The following PRAMEF9 variants were observed in gnomAD, a reference collection of about 807,000 sequenced individuals.
PRAMEF9 encodes the protein PRAME family member 9/15.
A neutral mutation model predicts 10.9 loss-of-function variants in PRAMEF9; 1 was observed. That is an observed-to-expected ratio of 0.09 (90% CI 0.03 to 0.44). PRAMEF9 has a LOEUF of 0.44. Ranked by LOEUF, PRAMEF9 falls within the 20% of genes least tolerant of loss-of-function variation. The pLI is 0.97. For missense variants in PRAMEF9, 126 were observed against 379.8 expected, an observed-to-expected ratio of 0.33 and a Z score of 5.55; for synonymous variants, 40 against 148.3, an observed-to-expected ratio of 0.27 and a Z score of 5.31.
Position 13,176,554 on chromosome 1 carries a change from A to G in PRAMEF9, c.607A>G (p.Met203Val). ...CCGCAATATCAGAAGCATCCTGAAAATGGTGAACCTAGACTGTATCCAGGA... is the reference window on the plus strand; with the variant it reads ...CCGCAATATCAGAAGCATCCTGAAAGTGGTGAACCTAGACTGTATCCAGGA... ...PFRNIRSILK[M>V]VNLDCIQEVE... is the part of the protein sequence containing the mutation. Residue 203 changes from methionine (M) to valine (V), a missense_variant, in exon 3 of 4, where the codon ATG becomes GTG. By Grantham distance (21) the Met-to-Val change is conservative (BLOSUM62 1). Coordinates refer to ENST00000415919, the MANE Select transcript of PRAMEF9 (RefSeq NM_001010890.3). 4.8e-6 allele frequency: 2 copies of G among 417,820 alleles called. No individual in the cohort carries two copies. The highest frequency in any genetic ancestry group is 8.2e-6 in the Non-Finnish European group (2 of 243,562). 25.9% of individuals were successfully genotyped at this position (417,820 alleles called of 1,614,324 possible).
In PRAMEF9 at chr1:13,172,270, T is replaced by A. The variant is rs1234779454; in HGVS notation, c.-279T>A. The A allele has an allele frequency of 6.9e-6, 1 of 144,806 alleles. No individual in the cohort carries two copies. The highest frequency in any genetic ancestry group is 1.6e-5 in the Non-Finnish European group (1 of 64,038). 9.0% of individuals were successfully genotyped at this position (144,806 alleles called of 1,614,324 possible). A position where few individuals can be genotyped will look rare whatever the true frequency, so the allele number is the denominator to read the frequency against. On this transcript the variant is annotated 5_prime_UTR_variant, in exon 1 of 4. It removes the in-frame stop codon of an upstream open reading frame in the 5' UTR. Transcript: ENST00000415919. Reference sequence around the variant, plus strand: ...TAGATATGTGATATGAATGGACATCTGATTCAATCCATTAATCTGGGGAGA... The same window carrying A: ...TAGATATGTGATATGAATGGACATCAGATTCAATCCATTAATCTGGGGAGA...
intron 1 of PRAMEF9, chr1:13,174,762 GGAGAGAGGGAAAGAAGGAAAGAAGAAAGA>G (rs1638355213): frequency 3.6e-5 from 1 of 27,762 alleles, no homozygotes; most frequent in Non-Finnish European, 9.9e-5. Context: ...AAGAAGGGAG[GGAGAGAGGGAAAGAAGGAAAGAAGAAAGA>G]GAGAGAAAGA....
intron 1 of PRAMEF9, 47 bp from the exon 2 acceptor site, chr1:13,175,218 G>C (rs1337933888): frequency 2.2e-6 from 3 of 1,379,584 alleles, no homozygotes; most frequent in African/African-American, 1.4e-5. Context: ...GATTGCATGG[G>C]CTTGGCCTGA....
In PRAMEF9 at chr1:13,172,300, A is replaced by T. The variant is rs1638332442; in HGVS notation, c.-249A>T. On this transcript the variant is annotated 5_prime_UTR_variant, in exon 1 of 4. Transcript: ENST00000415919. The stretch of plus-strand genomic sequence containing the variant: ...CAATCCATTAATCTGGGGAGAGCCA[A>T]AAACCCAATCAGGATTACCTGGGTG... 7.8e-6 allele frequency: 1 copy of T among 128,148 alleles called. No homozygotes were observed. Among genetic ancestry groups the T allele is most frequent in the African/African-American group, 2.5e-5 (1 of 40,084 alleles). The allele number at this position is 128,148 out of a possible 1,614,324, so 7.9% of individuals were successfully genotyped here.
rs1210848306 is a variant in PRAMEF9 at position 13,172,875 on chromosome 1, G to A, written c.-17+343G>A. 11 of 139,496 alleles carry A rather than the reference G, an allele frequency of 7.9e-5. 2 individuals are homozygous for A. The highest frequency in any genetic ancestry group is 1.6e-4 in the Non-Finnish European group (10 of 61,646). The allele number at this position is 139,496 out of a possible 1,614,324, so 8.6% of individuals were successfully genotyped here. A position where few individuals can be genotyped will look rare whatever the true frequency, so the allele number is the denominator to read the frequency against. Reference sequence around the variant, plus strand: ...TGACAAAAACCCTCCTCTACACAACGTTTTTTTTGAGGGTGGGGATGGAGT... The same window carrying A: ...TGACAAAAACCCTCCTCTACACAACATTTTTTTTGAGGGTGGGGATGGAGT... On this transcript the variant is annotated intron_variant, in intron 1 of 3. Transcript: ENST00000415919.
chr1:13,178,448 G>A lies in PRAMEF9; in HGVS notation c.876-123G>A, dbSNP rs1479774178. On this transcript the variant is annotated intron_variant, in intron 3 of 3. Coordinates refer to ENST00000415919, the MANE Select transcript of PRAMEF9 (RefSeq NM_001010890.3). ...CATCATCCTAAGTGTTGACCATCAG[G>A]CCATCAGAATGACCCTGGACTTGGG... The A allele has an allele frequency of 1.6e-5, 10 of 629,900 alleles. No individual in the cohort carries two copies. In the East Asian group the frequency reaches 2.2e-4, roughly 14 times the overall value. 39.0% of individuals were successfully genotyped at this position (629,900 alleles called of 1,614,324 possible).
rs782667677 is a variant in PRAMEF9 at position 13,179,049 on chromosome 1, A to G, written c.1354A>G (p.Arg452Gly). 2.6e-6 allele frequency: 4 copies of G among 1,541,272 alleles called. 1 individual carries two copies. The highest frequency in any genetic ancestry group is 4.7e-5 in the East Asian group (2 of 42,144). ...NRVRDLRHPK[R>G]IFFCIDNCPD... ...AGTGAGGGACTTAAGGCACCCCAAG[A>G]GGATCTTTTTCTGTATTGACAACTG... Residue 452 changes from arginine to glycine, a missense_variant, in exon 4 of 4, where the codon AGG becomes GGG. Arg to Gly is a moderately radical substitution (Grantham distance 125). Transcript: ENST00000415919.
At chr1:13,175,137 G>A (rs1355191875) in intron 1 of PRAMEF9, 128 bp from the exon 2 acceptor site, 16 of 1,180,864 alleles carry the variant, frequency 1.4e-5, no homozygotes, top group Non-Finnish European at 2.0e-5. Context: ...TGAGTACAGA[G>A]TAGAATTGGA....
intron 1 of PRAMEF9, chr1:13,173,457 CT>C (rs1378793648): frequency 5.6e-4 from 2 of 3,544 alleles, no homozygotes; most frequent in African/African-American, 1.6e-3. Context: ...TGGAGGCAAT[CT>C]TGGAGGTAAC....
rs1638369879 is a variant in PRAMEF9, at chr1:13,175,437, G to A, written c.157G>A (p.Ala53Thr). The change falls in exon 2 of 4, where the codon GCC (alanine) becomes ACC (threonine). Residue 53 changes from alanine to threonine, a missense_variant. By Grantham distance (58) the Ala-to-Thr change is moderately conservative. Transcript: ENST00000415919. ...MEAFSRRRCE[A>T]LKLMVQAWPF... ...GGCCTTCAGCAGGAGACGCTGTGAG[G>A]CCCTGAAGCTGATGGTGCAGGCCTG... is the stretch of plus-strand genomic sequence containing the variant. The A allele has an allele frequency of 3.3e-6, 5 of 1,534,462 alleles. No individual in the cohort carries two copies. The highest frequency in any genetic ancestry group is 2.3e-5 in the South Asian group (2 of 88,816).
rs782142115 is a variant in PRAMEF9, at chr1:13,179,109, G to C, written c.1414G>C (p.Glu472Gln). The C allele has an allele frequency of 6.5e-7, 1 of 1,540,500 alleles. No homozygotes were observed. Among genetic ancestry groups the C allele is most frequent in the Non-Finnish European group, 8.9e-7 (1 of 1,122,300 alleles). ...TGGCAACAGGTCATTTTATGACCTG[G>C]AGGCAGATCAATACTGCTGTTGAAT... Reference protein sequence around the residue: ...DCGNRSFYDLEADQYCC With the variant: ...DCGNRSFYDLQADQYCC Residue 472 changes from glutamate to glutamine, a missense_variant, in exon 4 of 4, where the codon GAG (glutamate) becomes CAG (glutamine). Physicochemically the swap from Glu to Gln is conservative, Grantham distance 29. Transcript: ENST00000415919.
rs1344700903 is a variant in PRAMEF9, at chr1:13,172,821, C to T, written c.-17+289C>T. The stretch of plus-strand genomic sequence containing the variant: ...GCCAAAGTGGGAGGATCATTTCAGC[C>T]CAGGGGTTTGAGACCAACCTGGGCA... On this transcript the variant is annotated intron_variant, in intron 1 of 3. Transcript: ENST00000415919. 2.8e-5 allele frequency: 4 copies of T among 141,674 alleles called. 1 individual carries two copies. Among genetic ancestry groups the T allele is most frequent in the East Asian group, 4.6e-4 (2 of 4,384 alleles). The allele number at this position is 141,674 out of a possible 1,614,324, so 8.8% of individuals were successfully genotyped here.
In PRAMEF9 at chr1:13,179,058, T is replaced by C; in HGVS notation, c.1363T>C (p.Phe455Leu). 6.5e-7 allele frequency: 1 copy of C among 1,541,560 alleles called. No individual in the cohort carries two copies. The highest frequency in any genetic ancestry group is 8.9e-7 in the Non-Finnish European group (1 of 1,122,804). ...RDLRHPKRIF[F>L]CIDNCPDCGN... ...CTTAAGGCACCCCAAGAGGATCTTT[T>C]TCTGTATTGACAACTGCCCTGACTG... is the stretch of plus-strand genomic sequence containing the variant. The change falls in exon 4 of 4, where the codon TTC becomes CTC. Residue 455 changes from phenylalanine (F) to leucine (L), a missense_variant. Transcript: ENST00000415919.
rs782072383 is a variant in PRAMEF9, at chr1:13,178,972, G to C, written c.1277G>C (p.Gly426Ala). 2.8e-5 allele frequency: 43 copies of C among 1,539,978 alleles called. 9 individuals are homozygous for C. In the East Asian group the frequency reaches 1.0e-3, roughly 37 times the overall value. The change falls in exon 4 of 4, where the codon GGT becomes GCT. Residue 426 changes from glycine (G) to alanine (A), a missense_variant. Transcript: ENST00000415919. ...PAPRESYGAD[G>A]TLCWSRFAQI... ...CCGCGGGAGAGTTATGGTGCTGATG[G>C]TACTCTCTGCTGGAGCAGATTTGCT...
In PRAMEF9 at chr1:13,172,550, G is replaced by A. The variant is rs1201379964; in HGVS notation, c.-17+18G>A. ...CAGATCTGGTAAGTCACTAATTTCT[G>A]TAAGGACACTCCCATCTGACCTACA... On this transcript the variant is annotated intron_variant, in intron 1 of 3. Coordinates refer to ENST00000415919, the MANE Select transcript of PRAMEF9 (RefSeq NM_001010890.3). The A allele has an allele frequency of 1.6e-4, 23 of 140,368 alleles. 2 individuals are homozygous for A. The highest frequency in any genetic ancestry group is 1.5e-3 in the Admixed American group (20 of 13,470). 8.7% of individuals were successfully genotyped at this position (140,368 alleles called of 1,614,324 possible). A position where few individuals can be genotyped will look rare whatever the true frequency, so the allele number is the denominator to read the frequency against.
In PRAMEF9 at chr1:13,171,874, T is replaced by C. The variant is rs1638318537; in HGVS notation, c.-675T>C. 1 of 73,076 alleles carries C rather than the reference T, an allele frequency of 1.4e-5. No homozygotes were observed. Among genetic ancestry groups the C allele is most frequent in the Admixed American group, 2.1e-4 (1 of 4,774 alleles). 4.5% of individuals were successfully genotyped at this position (73,076 alleles called of 1,614,324 possible). ...GTAGTTCTCTCTCTCTCTTTTTTCT[T>C]TTTCTTTTTTTTTTTTTTTTTTTTT... On this transcript the variant is annotated 5_prime_UTR_variant, in exon 1 of 4. Transcript: ENST00000415919.
chr1:13,179,083 G>T lies in PRAMEF9; in HGVS notation c.1388G>T (p.Cys463Phe), dbSNP rs782481036. 1 of 1,541,208 alleles carries T rather than the reference G, an allele frequency of 6.5e-7. No homozygotes were observed. The highest frequency in any genetic ancestry group is 8.9e-7 in the Non-Finnish European group (1 of 1,122,688). ...TTCTGTATTGACAACTGCCCTGACTGTGGCAACAGGTCATTTTATGACCTG... is the reference window on the plus strand; with the variant it reads ...TTCTGTATTGACAACTGCCCTGACTTTGGCAACAGGTCATTTTATGACCTG... ...IFFCIDNCPD[C>F]GNRSFYDLEA... The change falls in exon 4 of 4, where the codon TGT (cysteine) becomes TTT (phenylalanine). Residue 463 changes from cysteine (C) to phenylalanine (F), a missense_variant. Transcript: ENST00000415919.
In PRAMEF9 at chr1:13,172,172, G is replaced by T. The variant is rs1638329500; in HGVS notation, c.-377G>T. On this transcript the variant is annotated 5_prime_UTR_variant, in exon 1 of 4. Transcript: ENST00000415919. The stretch of plus-strand genomic sequence containing the variant: ...TTACAGGTGTGAGCCACTTCGTCTG[G>T]CCTTGAATGAATGTATTCTTGACTT... 1 of 144,544 alleles carries T rather than the reference G, an allele frequency of 6.9e-6. No individual in the cohort carries two copies. The highest frequency in any genetic ancestry group is 7.0e-5 in the Admixed American group (1 of 14,282). The allele number at this position is 144,544 out of a possible 1,614,324, so 9.0% of individuals were successfully genotyped here.
At position 13,172,296 on chromosome 1, in the gene PRAMEF9, G is replaced by A. The variant is rs1410832636; in HGVS notation, c.-253G>A. On this transcript the variant is annotated 5_prime_UTR_variant, in exon 1 of 4. Coordinates refer to ENST00000415919, the MANE Select transcript of PRAMEF9 (RefSeq NM_001010890.3). ...GATTCAATCCATTAATCTGGGGAGA[G>A]CCAAAAACCCAATCAGGATTACCTG... 7.5e-6 allele frequency: 1 copy of A among 134,216 alleles called. No homozygotes were observed. The highest frequency in any genetic ancestry group is 1.7e-5 in the Non-Finnish European group (1 of 58,874). The allele number at this position is 134,216 out of a possible 1,614,324, so 8.3% of individuals were successfully genotyped here.
Sources: allele counts gnomAD v4.1 joint callset, GRCh38; gene constraint gnomAD v4.1.1; transcripts MANE v1.5; gene names NCBI Gene and HGNC (gene_info 2026-07-23, HGNC 2026-07-21).